Variants in C8A observed in about 807,000 individuals in gnomAD.
C8A encodes complement component C8 alpha chain.
A neutral mutation model predicts 65.3 loss-of-function variants in C8A; 67 were observed. The observed-to-expected ratio is 1.03, with a 90% CI of 0.84 to 1.26. C8A has a LOEUF of 1.26. C8A is among the 50% of genes most tolerant of loss of function. The probability of loss-of-function intolerance (pLI) is 0.00; values close to 1 mark genes in which losing one functional copy is unlikely to be tolerated. For synonymous variants in C8A, 290 were observed against 259.4 expected, an observed-to-expected ratio of 1.12 and a Z score of -1.13; for missense variants, 781 against 723.9, an observed-to-expected ratio of 1.08 and a Z score of -0.90.
At position 56,906,752 on chromosome 1, in the gene C8A, A is replaced by G. The variant is rs1225278461; in HGVS notation, c.1182A>G (p.Leu394=). The G allele has an allele frequency of 6.2e-7, 1 of 1,614,136 alleles. No individual in the cohort carries two copies. The highest frequency in any genetic ancestry group is 1.7e-5 in the Admixed American group (1 of 60,020). The change falls in exon 8 of 11, where the codon TTA becomes TTG. Residue 394 remains leucine (L), a synonymous_variant. Transcript: ENST00000361249. ...ACAAAATAAATGTTGGTGGAGGTTT[A>G]TCAGGAGACCATTGTAAAAAATTTG... ...YEDKINVGGG[L]SGDHCKKFGG...
intron 1 of C8A, among the ~76,000 whole-genome samples, chr1:56,858,798 A>G (rs960734657): frequency 6.6e-6 from 1 of 152,230 alleles, no homozygotes; most frequent in Admixed American, 6.5e-5. Flanking sequence ...ATCTTTAGCA[A>G]TACTTCAGGT....
At chr1:56,874,430 C>T (rs1196702111) in intron 2 of C8A, among the ~76,000 whole-genome samples, 2 of 152,158 alleles carry the variant, frequency 1.3e-5, no homozygotes, top group African/African-American at 2.4e-5. Context: ...GTCTTCTGAA[C>T]GTGCCTCTTG....
intron 9 of C8A, 68 bp from the exon 10 acceptor site, chr1:56,912,335 C>T (rs192680029): frequency 2.8e-4 from 418 of 1,480,304 alleles, no homozygotes; most frequent in South Asian, 4.5e-4. Flanking sequence ...GCTTGGTGGC[C>T]GGTTCTTGGG....
In C8A at chr1:56,912,587, G is replaced by A; in HGVS notation, c.1565G>A (p.Gly522Asp). The change falls in exon 10 of 11, where the codon GGT (glycine) becomes GAT (aspartate). Residue 522 changes from glycine (G) to aspartate (D), a missense_variant. By Grantham distance (94) the Gly-to-Asp change is moderately conservative. Coordinates refer to ENST00000361249, the MANE Select transcript of C8A (RefSeq NM_000562.3). ...AGCTGCAGGTGCCAGTGCCGCCTGG[G>A]TAGCTTGGGTGCTGCCTGTGAGCAA... The part of the protein sequence containing the change: ...GTSCRCQCRL[G>D]SLGAACEQTQ... The A allele has an allele frequency of 6.2e-7, 1 of 1,614,220 alleles. No homozygotes were observed. The highest frequency in any genetic ancestry group is 8.5e-7 in the Non-Finnish European group (1 of 1,180,038).
intron 10 of C8A, among the ~76,000 whole-genome samples, chr1:56,914,355 T>C (rs925844078): frequency 2.1e-4 from 32 of 152,150 alleles, no homozygotes; most frequent in African/African-American, 7.2e-4. Flanking sequence ...TTCCAAGGGA[T>C]GGTCGGGCAA....
At chr1:56,900,401 A>G (rs1300248336) in intron 7 of C8A, among the ~76,000 whole-genome samples, 1 of 152,218 alleles carries the variant, frequency 6.6e-6, no homozygotes, top group African/African-American at 2.4e-5. Context: ...ACTTATAGAA[A>G]CAATTATCAT....
chr1:56,914,917 A>G (rs1416429383), intron 10 of C8A, among the ~76,000 whole-genome samples: 1 of 152,146 alleles, frequency 6.6e-6, no homozygotes, highest in African/African-American at 2.4e-5. Flanking sequence ...GTCTCAAGTG[A>G]TCTGCCCGCC....
At chr1:56,874,166 T>A (rs550374678) in intron 2 of C8A, among the ~76,000 whole-genome samples, 29 of 152,286 alleles carry the variant, frequency 1.9e-4, no homozygotes, top group Middle Eastern at 3.4e-3. Flanking sequence ...GGAGAAAGAA[T>A]CTGTCTCTTT....
intron 10 of C8A, among the ~76,000 whole-genome samples, chr1:56,914,308 G>C (rs980394651): frequency 6.6e-6 from 1 of 152,056 alleles, no homozygotes; most frequent in East Asian, 1.9e-4. Flanking sequence ...GAGGGGGATA[G>C]ATGACCACTT....
At chr1:56,916,797 C>T (rs1216236929) in intron 10 of C8A, among the ~76,000 whole-genome samples, 1 of 141,204 alleles carries the variant, frequency 7.1e-6, no homozygotes, top group Non-Finnish European at 1.5e-5. Flanking sequence ...AAAACTCAGG[C>T]GGAGCCCCAG....
chr1:56,912,442 G>A lies in C8A; in HGVS notation c.1420G>A (p.Gly474Arg). The change falls in exon 10 of 11, where the codon GGG (glycine) becomes AGG (arginine). Residue 474 changes from glycine (G) to arginine (R), a missense_variant. Coordinates refer to ENST00000361249, the MANE Select transcript of C8A (RefSeq NM_000562.3). Reference sequence around the variant, plus strand: ...CGAGGTGCTGCGGCACACAAGCCTGGGGCCTCTGGAGGCCAAGCGCCAGAA... The same window carrying A: ...CGAGGTGCTGCGGCACACAAGCCTGAGGCCTCTGGAGGCCAAGCGCCAGAA... ...IHEVLRHTSL[G>R]PLEAKRQNLR... 1 of 1,614,196 alleles carries A rather than the reference G, an allele frequency of 6.2e-7. No individual in the cohort carries two copies. The highest frequency in any genetic ancestry group is 8.5e-7 in the Non-Finnish European group (1 of 1,180,028).
intron 2 of C8A, among the ~76,000 whole-genome samples, chr1:56,871,178 T>A (rs1644144013): frequency 6.6e-6 from 1 of 152,194 alleles, no homozygotes; most frequent in East Asian, 1.9e-4. Context: ...ATTGTGCAAA[T>A]GCCTTAAAAA....
At chr1:56,865,379 C>T (rs1336842464) in intron 1 of C8A, among the ~76,000 whole-genome samples, 2 of 152,194 alleles carry the variant, frequency 1.3e-5, no homozygotes, top group African/African-American at 4.8e-5. Context: ...CTTCGGTTAA[C>T]AGGTGATCGT....
chr1:56,885,396 ATAAATATATATTTATTTAAATATATATT>A (rs1266028204), intron 6 of C8A, among the ~76,000 whole-genome samples: 9 of 99,568 alleles, frequency 9.0e-5, no homozygotes, highest in East Asian at 7.3e-4. Flanking sequence ...ATATATTTAA[ATAAATATATATTTATTTAAATATATATT>A]TAAATATATA....
At chr1:56,909,337 A>T (rs1314580333) in intron 9 of C8A, among the ~76,000 whole-genome samples, 2 of 152,234 alleles carry the variant, frequency 1.3e-5, no homozygotes, top group Non-Finnish European at 2.9e-5. Context: ...CTCTTAAAAC[A>T]TATGCCTACA....
At position 56,855,167 on chromosome 1, in the gene C8A, T is replaced by A. The variant is rs146162840; in HGVS notation, c.77+189T>A. On this transcript the variant is annotated intron_variant, in intron 1 of 10. Coordinates refer to ENST00000361249, the MANE Select transcript of C8A (RefSeq NM_000562.3). ...GCACTTGGAGTCAAATTGGTCTATG[T>A]GTAAATCACAGCTCTAATGCTTAGA... Among the ~76,000 whole-genome samples, 58 of 152,332 alleles carry A rather than the reference T, an allele frequency of 3.8e-4. No individual in the cohort carries two copies. The East Asian group carries it at 4.8e-3, about 13-fold the overall frequency.
Position 56,917,872 on chromosome 1 carries a change from A to G in C8A, c.*156A>G. 2 of 786,344 alleles carry G rather than the reference A, an allele frequency of 2.5e-6. No homozygotes were observed. Among genetic ancestry groups the G allele is most frequent in the South Asian group, 1.8e-5 (1 of 56,212 alleles). The allele number at this position is 786,344 out of a possible 1,614,324, so 48.7% of individuals were successfully genotyped here. The stretch of plus-strand genomic sequence containing the variant: ...GGCCTAAGACTAGGTTTTGCTGTCT[A>G]CAGCCAACTATTCTATTAGTTACAA... On this transcript the variant is annotated 3_prime_UTR_variant, in exon 11 of 11. Coordinates refer to ENST00000361249, the MANE Select transcript of C8A (RefSeq NM_000562.3).
intron 4 of C8A, 123 bp downstream of exon 4, chr1:56,876,332 G>T (rs980006530): frequency 1.1e-5 from 12 of 1,133,428 alleles, no homozygotes; most frequent in Non-Finnish European, 1.6e-5. Flanking sequence ...GCTGTGAGCT[G>T]CTCTCATTGT....
At chr1:56,874,767 T>G (rs935129739) in intron 2 of C8A, among the ~76,000 whole-genome samples, 182 bp from the exon 3 acceptor site, 4 of 152,226 alleles carry the variant, frequency 2.6e-5, no homozygotes, top group African/African-American at 9.6e-5. Flanking sequence ...CAATCAGTGA[T>G]TGTGCCACTT....
Sources: allele counts gnomAD v4.1 joint callset (sites outside exome capture counted in the v4.1 genomes callset), GRCh38; gene constraint gnomAD v4.1.1; transcripts MANE v1.5; gene names NCBI Gene and HGNC (gene_info 2026-07-23, HGNC 2026-07-21).